PITPNM2: variants seen among roughly 807,000 people sequenced by gnomAD.
PITPNM2 encodes phosphatidylinositol transfer protein membrane associated 2, also known as membrane-associated phosphatidylinositol transfer protein 2.
Under a neutral mutation model 132.2 loss-of-function variants are expected in PITPNM2, and 35 were observed. The ratio of observed to expected loss-of-function variants is 0.26; its 90% CI spans 0.20 to 0.35. The LOEUF (loss-of-function observed/expected upper bound fraction) is 0.35. Ranked by LOEUF, PITPNM2 falls within the 10% of genes least tolerant of loss-of-function variation. PITPNM2 has a pLI of 1.00. For synonymous variants in PITPNM2, 738 were observed against 799.2 expected, an observed-to-expected ratio of 0.92 and a Z score of 1.29; for missense variants, 1,332 against 1,912.0, an observed-to-expected ratio of 0.70 and a Z score of 5.66.
intron 19 of PITPNM2, 110 bp from the exon 20 acceptor site, chr12:122,988,460 G>C (rs992114847): frequency 2.1e-6 from 2 of 945,556 alleles, no homozygotes; most frequent in African/African-American, 3.3e-5. Flanking sequence ...TGGGTTGTAG[G>C]GGGTGTTCTT....
At chr12:123,073,662 T>C (rs1770049787) in intron 2 of PITPNM2, among the ~76,000 whole-genome samples, 1 of 152,132 alleles carries the variant, frequency 6.6e-6, no homozygotes, top group Non-Finnish European at 1.5e-5. Flanking sequence ...ATACATGATG[T>C]AGCAATTTTT....
At chr12:123,076,878 G>A (rs1395698530) in intron 2 of PITPNM2, among the ~76,000 whole-genome samples, 6 of 152,112 alleles carry the variant, frequency 3.9e-5, no homozygotes, top group Non-Finnish European at 5.9e-5. Flanking sequence ...CCATCAACAC[G>A]GGAGCTGTTC....
chr12:123,064,947 C>T lies in PITPNM2; in HGVS notation c.-95-30262G>A, dbSNP rs1237079671. 6.6e-6 allele frequency among the ~76,000 whole-genome samples: 1 copy of T among 152,212 alleles called. No individual in the cohort carries two copies. Among genetic ancestry groups the T allele is most frequent in the South Asian group, 2.1e-4 (1 of 4,828 alleles). On this transcript the variant is annotated intron_variant, in intron 2 of 25. Coordinates refer to ENST00000320201, the MANE Select transcript of PITPNM2 (RefSeq NM_020845.3). The surrounding 1 kb of genome is among the most constrained non-coding windows in gnomAD (Gnocchi z 4.0). The stretch of plus-strand genomic sequence containing the variant: ...GGTTGAGTGGGATTAAATGAGGTGA[C>T]AGTGAGGCACTGGGCACCTGAGATG...
chr12:123,104,823 C>G (rs2137270368), intron 2 of PITPNM2, among the ~76,000 whole-genome samples: 1 of 152,214 alleles, frequency 6.6e-6, no homozygotes, highest in South Asian at 2.1e-4. Context: ...AATTGTTTCC[C>G]CACAATCACC....
chr12:123,119,974 T>C (rs1265738998), intron 1 of PITPNM2, among the ~76,000 whole-genome samples: 5 of 152,168 alleles, frequency 3.3e-5, no homozygotes, highest in African/African-American at 4.8e-5. Context: ...CATACTGCCC[T>C]GTGAGTATGG....
At chr12:123,063,692 C>G (rs1360736817) in intron 2 of PITPNM2, among the ~76,000 whole-genome samples, 5 of 152,110 alleles carry the variant, frequency 3.3e-5, no homozygotes, top group African/African-American at 1.2e-4. Flanking sequence ...GGCTCCAGGT[C>G]TGGAAGGAAA....
chr12:123,028,522 T>C (rs557671437), intron 3 of PITPNM2, among the ~76,000 whole-genome samples: 11 of 152,342 alleles, frequency 7.2e-5, no homozygotes, highest in Non-Finnish European at 1.0e-4. Context: ...CTGAAACGTA[T>C]GTGAAATCTA....
intron 2 of PITPNM2, among the ~76,000 whole-genome samples, chr12:123,067,453 T>TCA (rs55716436): frequency 0.053 from 7,174 of 136,620 alleles, 203 homozygotes; most frequent in African/African-American, 0.089. Context: ...TGAAACTCCA[T>TCA]CACACACACA....
At chr12:123,076,341 A>G (rs557779467) in intron 2 of PITPNM2, among the ~76,000 whole-genome samples, 1 of 152,322 alleles carries the variant, frequency 6.6e-6, no homozygotes, top group Admixed American at 6.5e-5. Flanking sequence ...AAAGAGAAGC[A>G]CCAAGAATTG....
At chr12:123,140,365 C>G (rs1045491815) in intron 1 of PITPNM2, among the ~76,000 whole-genome samples, 4 of 152,184 alleles carry the variant, frequency 2.6e-5, no homozygotes, top group South Asian at 2.1e-4. Context: ...CAGCCTCCTC[C>G]TCCCCAACCT....
intron 2 of PITPNM2, among the ~76,000 whole-genome samples, chr12:123,073,440 C>T (rs759576749): frequency 8.6e-5 from 13 of 152,010 alleles, no homozygotes; most frequent in East Asian, 1.9e-4. Flanking sequence ...CATTCGCCAC[C>T]GCCTACACAG....
chr12:122,991,383 G>A (rs1257700010), intron 16 of PITPNM2, among the ~76,000 whole-genome samples: 1 of 152,198 alleles, frequency 6.6e-6, no homozygotes, highest in African/African-American at 2.4e-5. Context: ...GTGGGCCTTG[G>A]GGAATCCAAC....
At chr12:123,032,657 G>A (rs1386701260) in intron 3 of PITPNM2, among the ~76,000 whole-genome samples, 2 of 152,116 alleles carry the variant, frequency 1.3e-5, no homozygotes, top group African/African-American at 4.8e-5. Context: ...TGTGGTCTGG[G>A]TTCACCCTGG....
In PITPNM2 at chr12:123,005,372, C is replaced by G. The variant is rs765655012; in HGVS notation, c.820G>C (p.Glu274Gln). The change falls in exon 7 of 26, where the codon GAA (glutamate) becomes CAA (glutamine). Residue 274 changes from glutamate to glutamine, a missense_variant. Physicochemically the swap from Glu to Gln is conservative, Grantham distance 29. This residue lies in a region of PITPNM2 where 710 missense variants were observed against 911.5 expected (regional missense o/e 0.78). Coordinates refer to ENST00000320201, the MANE Select transcript of PITPNM2 (RefSeq NM_020845.3). This position sits in a 1 kb window ranked among gnomAD's most constrained non-coding sequence, Gnocchi z 6.2. The stretch of plus-strand genomic sequence containing the variant: ...CCAGAGGTCTGGTCCGAGACGGCTT[C>G]GTGCTTGACGAGCTCAGTGGCCTCC... The part of the protein sequence containing the change: ...GEEATELVKH[E>Q]AVSDQTSGEP... 1 of 1,614,178 alleles carries G rather than the reference C, an allele frequency of 6.2e-7. No individual in the cohort carries two copies. Among genetic ancestry groups the G allele is most frequent in the Non-Finnish European group, 8.5e-7 (1 of 1,180,040 alleles).
intron 2 of PITPNM2, among the ~76,000 whole-genome samples, chr12:123,038,284 C>T (rs751614132): frequency 1.8e-4 from 27 of 152,284 alleles, no homozygotes; most frequent in Non-Finnish European, 2.6e-4. Flanking sequence ...GTTAAATGCA[C>T]GGGTGACTAA....
At position 122,994,743 on chromosome 12, in the gene PITPNM2, AC is replaced by A. The variant is rs2038345549; in HGVS notation, c.2233+57del. 2.0e-6 allele frequency: 3 copies of A among 1,524,610 alleles called. No homozygotes were observed. Among genetic ancestry groups the A allele is most frequent in the Non-Finnish European group, 8.8e-7 (1 of 1,136,394 alleles). The allele number at this position is 1,524,610 out of a possible 1,614,324, so 94.4% of individuals were successfully genotyped here. ...GATCTCATCACAGGGGTCCACTGAG[AC>A]CCCCGCCCCCGCACCCAGTGCATGT... On this transcript the variant is annotated intron_variant, in intron 15 of 25. Coordinates refer to ENST00000320201, the MANE Select transcript of PITPNM2 (RefSeq NM_020845.3). The surrounding 1 kb of genome is among the most constrained non-coding windows in gnomAD (Gnocchi z 5.4).
intron 1 of PITPNM2, among the ~76,000 whole-genome samples, chr12:123,146,666 C>A (rs1483896025): frequency 1.3e-5 from 2 of 149,076 alleles, no homozygotes; most frequent in Non-Finnish European, 3.0e-5. Context: ...TGCCAGCCTG[C>A]CCCTCCTAAC....
chr12:123,121,991 T>C (rs759662359), intron 1 of PITPNM2, among the ~76,000 whole-genome samples: 22 of 151,938 alleles, frequency 1.4e-4, no homozygotes, highest in African/African-American at 2.9e-4. Context: ...AGTATTATAG[T>C]TGGGACTACA....
chr12:122,998,495 C>T (rs990193454), intron 10 of PITPNM2, among the ~76,000 whole-genome samples: 3 of 152,338 alleles, frequency 2.0e-5, no homozygotes, highest in Non-Finnish European at 4.4e-5. Flanking sequence ...GTGGCCCTGT[C>T]CCCAGAGGTC....
Sources: gnomAD v4.1 joint callset for allele counts (sites outside exome capture counted in the v4.1 genomes callset) on GRCh38, gnomAD v4.1.1 for gene constraint, gnomAD v4.1.1 regional missense constraint, Gnocchi (gnomAD v3.1) non-coding constraint, MANE v1.5 for transcripts, NCBI Gene and HGNC (gene_info 2026-07-23, HGNC 2026-07-21) for gene names.